ESPNL: variants seen among roughly 807,000 people sequenced by gnomAD.
The protein encoded by ESPNL is espin-like protein.
In ESPNL, 49 loss-of-function variants were observed where a neutral mutation model predicts 46.8. The observed-to-expected ratio is 1.05, with a 90% CI of 0.83 to 1.33. The LOEUF (loss-of-function observed/expected upper bound fraction) is 1.33, where lower values mean the gene tolerates loss of function less well. Among genes scored for constraint, ESPNL ranks in the 40% most tolerant of loss-of-function variants. The pLI is 0.00. For synonymous variants in ESPNL, 664 were observed against 662.1 expected (o/e 1.00, Z -0.04); for missense variants, 1,540 against 1,436.6 (o/e 1.07, Z -1.16).
At chr2:238,124,150 G>C (rs1692047208) in intron 5 of ESPNL, among the ~76,000 whole-genome samples, 1 of 152,228 alleles carries the variant, frequency 6.6e-6, no homozygotes, top group South Asian at 2.1e-4. Context: ...CGGGCCCTGG[G>C]CCCAGGCCAC....
chr2:238,125,452 T>A, intron 6 of ESPNL, 68 bp downstream of exon 6: 1 of 951,648 alleles, frequency 1.1e-6, no homozygotes, highest in Non-Finnish European at 1.5e-6. Flanking sequence ...TGGCCTCCCC[T>A]CCGAGGTCCT....
rs1559257123 is a variant in ESPNL, at chr2:238,101,996, C to G, written c.350C>G (p.Pro117Arg). The change falls in exon 2 of 9, where the codon CCA (proline) becomes CGA (arginine). Residue 117 changes from proline (P) to arginine (R), a missense_variant. By Grantham distance (103) the Pro-to-Arg change is moderately radical (BLOSUM62 -2). Transcript: ENST00000343063. ...PLHLAARFGHPVLVEWLLHEG... is the reference protein window; with the variant it reads ...PLHLAARFGHRVLVEWLLHEG... ...CACCTGGCCGCCCGTTTTGGACACC[C>G]AGTGCTGGTGGAGTGGCTGCTCCAC... is the stretch of plus-strand genomic sequence containing the variant. The G allele has an allele frequency of 1.9e-6, 3 of 1,610,548 alleles. No homozygotes were observed. The highest frequency in any genetic ancestry group is 2.7e-5 in the African/African-American group (2 of 75,012).
At chr2:238,129,062 T>C (rs960042438) in intron 8 of ESPNL, 158 bp downstream of exon 8, 6 of 1,431,400 alleles carry the variant, frequency 4.2e-6, no homozygotes, top group Non-Finnish European at 4.6e-6. Flanking sequence ...GAGGATGAAG[T>C]GAACCTGACC....
Position 238,131,317 on chromosome 2 carries a change from G to A in ESPNL, c.2603G>A (p.Cys868Tyr), listed in dbSNP as rs754508267. Reference sequence around the variant, plus strand: ...CTGGGTTACTTCCAGCTGCTGGAGTGCGACCTGCCGGCGGAGGAGCGGAAG... The same window carrying A: ...CTGGGTTACTTCCAGCTGCTGGAGTACGACCTGCCGGCGGAGGAGCGGAAG... ...FMLGYFQLLE[C>Y]DLPAEERKLR... The change falls in exon 9 of 9, where the codon TGC becomes TAC. Residue 868 changes from cysteine (C) to tyrosine (Y), a missense_variant. By Grantham distance (194) the Cys-to-Tyr change is radical (BLOSUM62 -2). Transcript: ENST00000343063. 1.5e-5 allele frequency: 24 copies of A among 1,585,302 alleles called. No individual in the cohort carries two copies. In the Admixed American group the frequency reaches 4.1e-4, roughly 27 times the overall value.
intron 6 of ESPNL, 67 bp downstream of exon 6, chr2:238,125,451 C>A: frequency 1.0e-6 from 1 of 956,668 alleles, no homozygotes; most frequent in South Asian, 2.0e-5. Flanking sequence ...CTGGCCTCCC[C>A]TCCGAGGTCC....
intron 8 of ESPNL, chr2:238,129,179 C>T (rs1180856046): frequency 7.3e-7 from 1 of 1,370,636 alleles, no homozygotes; most frequent in African/African-American, 1.5e-5. Flanking sequence ...AAGCGTTGTT[C>T]TAGGCCTTCC....
rs762213289 is a variant in ESPNL, at chr2:238,130,981, C to A, written c.2267C>A (p.Pro756Gln). Reference sequence around the variant, plus strand: ...CACTGGAGGAGATCGGCCTACACGCCGGCCCTCAAGACAGTGGCCTGCAGG... The same window carrying A: ...CACTGGAGGAGATCGGCCTACACGCAGGCCCTCAAGACAGTGGCCTGCAGG... ...LSHWRRSAYT[P>Q]ALKTVACRTL... The change falls in exon 9 of 9, where the codon CCG becomes CAG. Residue 756 changes from proline to glutamine, a missense_variant. By Grantham distance (76) the Pro-to-Gln change is moderately conservative. Coordinates refer to ENST00000343063, the MANE Select transcript of ESPNL (RefSeq NM_194312.4). 2.6e-6 allele frequency: 4 copies of A among 1,548,014 alleles called. No homozygotes were observed. In the Admixed American group the frequency reaches 7.8e-5, roughly 30 times the overall value.
At chr2:238,128,965 A>G (rs889949750) in intron 8 of ESPNL, 61 bp downstream of exon 8, 1 of 1,496,586 alleles carries the variant, frequency 6.7e-7, no homozygotes, top group South Asian at 1.2e-5. Context: ...GGTAGGTGGA[A>G]GTGGAAGTCA....
rs779749767 is a variant in ESPNL at position 238,107,920 on chromosome 2, G to A, written c.802G>A (p.Asp268Asn). Reference sequence around the variant, plus strand: ...GCTCATGGGTACCCCCATCCTGAGAGACTCCTGGGGTGGGACCCCCCTCCA... The same window carrying A: ...GCTCATGGGTACCCCCATCCTGAGAAACTCCTGGGGTGGGACCCCCCTCCA... The part of the protein sequence containing the change: ...LLLMGTPILR[D>N]SWGGTPLHDA... Residue 268 changes from aspartate (D) to asparagine (N), a missense_variant, in exon 4 of 9, where the codon GAC (aspartate) becomes AAC (asparagine). Asp to Asn is a conservative substitution (Grantham distance 23, BLOSUM62 1). Transcript: ENST00000343063. 2.5e-6 allele frequency: 4 copies of A among 1,612,720 alleles called. No homozygotes were observed. Among genetic ancestry groups the A allele is most frequent in the South Asian group, 1.1e-5 (1 of 91,022 alleles).
Position 238,130,878 on chromosome 2 carries a change from C to T in ESPNL, c.2164C>T (p.Pro722Ser). The T allele has an allele frequency of 6.4e-7, 1 of 1,556,632 alleles. No homozygotes were observed. The highest frequency in any genetic ancestry group is 8.7e-7 in the Non-Finnish European group (1 of 1,151,250). Residue 722 changes from proline to serine, a missense_variant, in exon 9 of 9, where the codon CCA becomes TCA. Transcript: ENST00000343063. ...CTCTGGCATCAGCTGCGAGGAGGTG[C>T]CATCAGAGGCGGGTGCCGCAGCCGG... Reference protein sequence around the residue: ...SDSGISCEEVPSEAGAAAGPD... With the variant: ...SDSGISCEEVSSEAGAAAGPD...
intron 6 of ESPNL, among the ~76,000 whole-genome samples, chr2:238,126,330 GTGTCTGTATGTGATTGTGTGTGTGAT>G (rs1692112746): frequency 1.4e-5 from 2 of 144,430 alleles, no homozygotes; most frequent in East Asian, 2.1e-4. Flanking sequence ...TTGTGTCTGT[GTGTCTGTATGTGATTGTGTGTGTGAT>G]TGTGTCTGTG....
chr2:238,101,994 C>T lies in ESPNL; in HGVS notation c.348C>T (p.His116=). Residue 116 remains histidine (H), a synonymous_variant, in exon 2 of 9, where the codon CAC becomes CAT. Coordinates refer to ENST00000343063, the MANE Select transcript of ESPNL (RefSeq NM_194312.4). ...SPLHLAARFG[H]PVLVEWLLHE... ...TGCACCTGGCCGCCCGTTTTGGACA[C>T]CCAGTGCTGGTGGAGTGGCTGCTCC... 6.2e-7 allele frequency: 1 copy of T among 1,610,668 alleles called. No homozygotes were observed. The highest frequency in any genetic ancestry group is 8.5e-7 in the Non-Finnish European group (1 of 1,179,710).
intron 6 of ESPNL, among the ~76,000 whole-genome samples, chr2:238,127,036 CTGTG>C (rs751043335): frequency 2.1e-5 from 3 of 146,066 alleles, no homozygotes; most frequent in East Asian, 4.1e-4. Context: ...TGTGTCTGTT[CTGTG>C]TGTGTTTCTG....
intron 3 of ESPNL, among the ~76,000 whole-genome samples, chr2:238,107,119 C>T (rs537960703): frequency 1.3e-5 from 2 of 152,202 alleles, no homozygotes; most frequent in African/African-American, 2.4e-5. Flanking sequence ...AGGAGACCCC[C>T]GCGTCCCACT....
intron 6 of ESPNL, 33 bp downstream of exon 6, chr2:238,125,417 G>C: frequency 5.3e-6 from 7 of 1,318,372 alleles, no homozygotes; most frequent in Non-Finnish European, 7.1e-6. Flanking sequence ...GCCACCCAGG[G>C]CATGGGCCTG....
At chr2:238,116,849 A>T in intron 4 of ESPNL, 54 bp from the exon 5 acceptor site, 1 of 1,596,532 alleles carries the variant, frequency 6.3e-7, no homozygotes, top group Non-Finnish European at 8.5e-7. Flanking sequence ...GGCCAGTCCC[A>T]TGGGCACCTG....
chr2:238,130,753 A>C lies in ESPNL; in HGVS notation c.2039A>C (p.His680Pro). The change falls in exon 9 of 9, where the codon CAC becomes CCC. Residue 680 changes from histidine (H) to proline (P), a missense_variant. His to Pro is a moderately conservative substitution (Grantham distance 77). Transcript: ENST00000343063. ...NPGPCEPGAQ[H>P]RQCLSGCWPA... ...GGCCCCTGCGAGCCGGGGGCCCAGCACAGGCAGTGCCTGAGTGGCTGCTGG... is the reference window on the plus strand; with the variant it reads ...GGCCCCTGCGAGCCGGGGGCCCAGCCCAGGCAGTGCCTGAGTGGCTGCTGG... The C allele has an allele frequency of 6.4e-7, 1 of 1,562,704 alleles. No homozygotes were observed. The highest frequency in any genetic ancestry group is 8.6e-7 in the Non-Finnish European group (1 of 1,158,108).
At chr2:238,106,907 C>A (rs1691610540) in intron 3 of ESPNL, among the ~76,000 whole-genome samples, 1 of 152,254 alleles carries the variant, frequency 6.6e-6, no homozygotes, top group Non-Finnish European at 1.5e-5. Context: ...CTTTGCCCAA[C>A]AGACACTTCT....
At chr2:238,121,762 G>A (rs1691992253) in intron 5 of ESPNL, among the ~76,000 whole-genome samples, 1 of 152,226 alleles carries the variant, frequency 6.6e-6, no homozygotes, top group Non-Finnish European at 1.5e-5. Context: ...CTGCCCTGGT[G>A]GGCCCTCCGG....
Sources: allele counts gnomAD v4.1 joint callset (sites outside exome capture counted in the v4.1 genomes callset), GRCh38; gene constraint gnomAD v4.1.1; transcripts MANE v1.5; gene names NCBI Gene and HGNC (gene_info 2026-07-23, HGNC 2026-07-21).